Variants in LRRC49 observed in about 807,000 individuals in gnomAD.
LRRC49 encodes the protein leucine rich repeat containing 49.
Under a neutral mutation model 83.3 loss-of-function variants are expected in LRRC49, and 50 were observed. The observed-to-expected ratio is 0.60, with a 90% confidence interval of 0.48 to 0.76. The LOEUF (loss-of-function observed/expected upper bound fraction) is 0.76, where lower values mean the gene tolerates loss of function less well. Ranked by LOEUF, LRRC49 falls within the 30% of genes least tolerant of loss-of-function variation. LRRC49 has a pLI of 0.00. For synonymous variants in LRRC49, 286 were observed against 283.3 expected, an observed-to-expected ratio of 1.01 and a Z score of -0.10; for missense variants, 704 against 809.1, an observed-to-expected ratio of 0.87 and a Z score of 1.58.
At chr15:71,006,393 A>G (rs2038459020) in intron 11 of LRRC49, among the ~76,000 whole-genome samples, 1 of 152,156 alleles carries the variant, frequency 6.6e-6, no homozygotes, top group Non-Finnish European at 1.5e-5. Context: ...TTTTTGATAC[A>G]TAACTCTGAT....
chr15:70,953,144 T>C (rs1421984363), intron 8 of LRRC49, among the ~76,000 whole-genome samples: 2 of 152,206 alleles, frequency 1.3e-5, no homozygotes, highest in Non-Finnish European at 1.5e-5. Context: ...GGGTCGGTAT[T>C]GGACTGTGAG....
At chr15:70,885,754 A>G (rs1595981211) in intron 2 of LRRC49, among the ~76,000 whole-genome samples, 1 of 152,370 alleles carries the variant, frequency 6.6e-6, no homozygotes, top group South Asian at 2.1e-4. Context: ...ATTAATATGT[A>G]AATTCAAAAT....
intron 14 of LRRC49, among the ~76,000 whole-genome samples, chr15:71,034,164 T>C (rs1264266180): frequency 6.6e-6 from 1 of 152,026 alleles, no homozygotes; most frequent in East Asian, 1.9e-4. Context: ...ATCCAGAATC[T>C]ACAAGGAACT....
chr15:70,904,508 G>C, intron 4 of LRRC49, 44 bp from the exon 5 acceptor site: 1 of 1,293,228 alleles, frequency 7.7e-7, no homozygotes, highest in South Asian at 1.2e-5. Context: ...GAAGAGGTAA[G>C]TGGCTGAATC....
intron 11 of LRRC49, among the ~76,000 whole-genome samples, chr15:71,006,174 C>T (rs1304501621): frequency 6.6e-6 from 1 of 152,148 alleles, no homozygotes; most frequent in African/African-American, 2.4e-5. Flanking sequence ...CACTGTTTTA[C>T]TGAATGTAGC....
At chr15:70,883,586 T>C (rs1188107823) in intron 2 of LRRC49, among the ~76,000 whole-genome samples, 1 of 152,100 alleles carries the variant, frequency 6.6e-6, no homozygotes, top group Non-Finnish European at 1.5e-5. Context: ...TTTATAGAAG[T>C]CTCCTTTAAT....
chr15:70,903,878 T>A (rs2034188753), intron 4 of LRRC49, among the ~76,000 whole-genome samples: 1 of 152,196 alleles, frequency 6.6e-6, no homozygotes, highest in Non-Finnish European at 1.5e-5. Flanking sequence ...TCAAAGCATA[T>A]ATTTTTAAGG....
chr15:70,865,039 A>G (rs779661961), intron 1 of LRRC49, among the ~76,000 whole-genome samples: 4 of 152,138 alleles, frequency 2.6e-5, no homozygotes, highest in Non-Finnish European at 5.9e-5. Context: ...TCCTGCTTCC[A>G]TTCTGGAAGA....
chr15:70,854,162 C>CGAGGGG lies in LRRC49; in HGVS notation c.-299+695_-299+700dup. 3.6e-6 allele frequency: 4 copies of CGAGGGG among 1,112,816 alleles called. 1 individual carries two copies. The highest frequency in any genetic ancestry group is 4.5e-6 in the Non-Finnish European group (4 of 889,534). The allele number at this position is 1,112,816 out of a possible 1,614,324, so 68.9% of individuals were successfully genotyped here. ...GCCAGCCGGTCGGCAGCGACTGCGA[C>CGAGGGG]GAGGGGGCGGGGGCGGTGCGAGCGC... On this transcript the variant is annotated intron_variant, in intron 1 of 16. Coordinates refer to the LRRC49 transcript ENST00000544974.
At chr15:71,004,780 G>A (rs1392226638) in intron 11 of LRRC49, among the ~76,000 whole-genome samples, 1 of 152,028 alleles carries the variant, frequency 6.6e-6, no homozygotes, top group Non-Finnish European at 1.5e-5. Flanking sequence ...ATTATCATTA[G>A]CAAACTAACA....
At chr15:70,859,620 T>C (rs534956952) in intron 1 of LRRC49, 10 of 641,736 alleles carry the variant, frequency 1.6e-5, no homozygotes, top group Admixed American at 1.3e-4. Context: ...CTGCAGCCTA[T>C]AAAGACTGAG....
At chr15:70,910,172 C>T (rs1219754590) in intron 5 of LRRC49, among the ~76,000 whole-genome samples, 2 of 151,948 alleles carry the variant, frequency 1.3e-5, no homozygotes, top group South Asian at 2.1e-4. Context: ...AGAAGATCTA[C>T]AGCTACATAG....
chr15:70,900,853 T>TAA, intron 3 of LRRC49, 69 bp from the exon 4 acceptor site: 3 of 902,050 alleles, frequency 3.3e-6, no homozygotes, highest in Non-Finnish European at 5.4e-6. Flanking sequence ...TCTCCAAATA[T>TAA]AAGATGACTT....
At chr15:70,910,797 G>T (rs939944478) in intron 5 of LRRC49, among the ~76,000 whole-genome samples, 1 of 152,178 alleles carries the variant, frequency 6.6e-6, no homozygotes, top group Non-Finnish European at 1.5e-5. Context: ...TATGAGTGCT[G>T]GGGATAGAGT....
intron 2 of LRRC49, among the ~76,000 whole-genome samples, chr15:70,885,251 T>A (rs1477262333): frequency 1.3e-5 from 2 of 152,012 alleles, no homozygotes; most frequent in East Asian, 3.8e-4. Flanking sequence ...ACAGAAAATG[T>A]CATAACAGAC....
chr15:70,998,010 G>T (rs2038131909), intron 11 of LRRC49, among the ~76,000 whole-genome samples: 1 of 151,988 alleles, frequency 6.6e-6, no homozygotes, highest in Non-Finnish European at 1.5e-5. Context: ...TTACCCTGGG[G>T]ATTACAATTA....
intron 11 of LRRC49, among the ~76,000 whole-genome samples, chr15:70,985,770 A>G (rs7495743): frequency 0.79 from 114,271 of 143,810 alleles, 45,995 homozygotes; most frequent in East Asian, 0.86. Context: ...TAGGTCTAAC[A>G]TTTAAGTCTT....
chr15:71,001,826 G>A (rs2141252127), intron 11 of LRRC49, among the ~76,000 whole-genome samples: 1 of 152,104 alleles, frequency 6.6e-6, no homozygotes, highest in African/African-American at 2.4e-5. Context: ...TGAGTAGCTG[G>A]GACTACAGGT....
chr15:70,939,752 G>A (rs1040134735), intron 8 of LRRC49, among the ~76,000 whole-genome samples: 1 of 151,760 alleles, frequency 6.6e-6, no homozygotes, highest in African/African-American at 2.4e-5. Context: ...CTTCTCTGCC[G>A]GAATGACCTC....
Sources: gnomAD v4.1 joint callset for allele counts (sites outside exome capture counted in the v4.1 genomes callset) on GRCh38, gnomAD v4.1.1 for gene constraint, MANE v1.5 for transcripts, NCBI Gene and HGNC (gene_info 2026-07-23, HGNC 2026-07-21) for gene names.